ASH2L: variants seen among roughly 807,000 people sequenced by gnomAD.
ASH2L encodes the protein ASH2 like, histone lysine methyltransferase complex subunit.
ASH2L carries 30 observed loss-of-function variants against 81.1 expected under a neutral mutation model. That is an observed-to-expected ratio of 0.37 (90% CI 0.28 to 0.50). The LOEUF is 0.50. ASH2L is among the 20% of genes least tolerant of loss of function. The probability of loss-of-function intolerance (pLI) is 0.95; values close to 1 mark genes in which losing one functional copy is unlikely to be tolerated. For missense variants in ASH2L, 559 were observed against 792.1 expected (o/e 0.71, Z 3.53); for synonymous variants, 273 against 279.9 (o/e 0.98, Z 0.24).
In ASH2L at chr8:38,139,205, G is replaced by T; in HGVS notation, c.*134G>T. On this transcript the variant is annotated 3_prime_UTR_variant, in exon 16 of 16. Coordinates refer to ENST00000343823, the MANE Select transcript of ASH2L (RefSeq NM_004674.5). ...CTCCTTTTAGCAAGTTAAAAGGCTG[G>T]GTAGGACTGCGGGAGACTGCCTGCC... 1 of 707,616 alleles carries T rather than the reference G, an allele frequency of 1.4e-6. No individual in the cohort carries two copies. The highest frequency in any genetic ancestry group is 2.3e-6 in the Non-Finnish European group (1 of 436,918). The allele number at this position is 707,616 out of a possible 1,614,324, so 43.8% of individuals were successfully genotyped here.
At chr8:38,120,812 A>G (rs1403331809) in intron 9 of ASH2L, 120 bp from the exon 10 acceptor site, 1 of 758,882 alleles carries the variant, frequency 1.3e-6, no homozygotes, top group Non-Finnish European at 2.2e-6. Flanking sequence ...AATGAGAAGT[A>G]TTTGCTGTGA....
At chr8:38,117,568 A>G (rs1810958439) in intron 8 of ASH2L, 1 of 670,290 alleles carries the variant, frequency 1.5e-6, no homozygotes, top group Non-Finnish European at 1.8e-6. Context: ...TAAAAACTAC[A>G]TAATTTGAAG....
At chr8:38,128,144 A>T in intron 10 of ASH2L, 147 bp from the exon 11 acceptor site, 1 of 942,508 alleles carries the variant, frequency 1.1e-6, no homozygotes, top group Non-Finnish European at 1.6e-6. Context: ...TTATGCTGAG[A>T]TTTTTAAACT....
At chr8:38,119,402 G>A (rs1275420097) in intron 9 of ASH2L, 39 bp downstream of exon 9, 1 of 1,442,944 alleles carries the variant, frequency 6.9e-7, no homozygotes, top group Non-Finnish European at 9.3e-7. Context: ...CACTATTTAA[G>A]TATTATTTGG....
At chr8:38,114,689 G>A in intron 6 of ASH2L, 1 of 517,838 alleles carries the variant, frequency 1.9e-6, no homozygotes, top group Non-Finnish European at 3.5e-6. Flanking sequence ...TGAAATAGAA[G>A]GATAGGTGAG....
chr8:38,107,954 C>G (rs146962503), intron 3 of ASH2L, among the ~76,000 whole-genome samples: 3 of 146,762 alleles, frequency 2.0e-5, no homozygotes, highest in South Asian at 4.3e-4. Flanking sequence ...TTTTTTCTTG[C>G]GACTGGGTCT....
intron 14 of ASH2L, among the ~76,000 whole-genome samples, chr8:38,136,915 G>C (rs994831059): frequency 3.3e-5 from 5 of 151,088 alleles, no homozygotes; most frequent in Non-Finnish European, 7.4e-5. Flanking sequence ...AATGTGGTGA[G>C]ACCTCGTTGC....
chr8:38,123,082 C>CTTTTTTT (rs59410420), intron 10 of ASH2L, among the ~76,000 whole-genome samples: 82 of 100,806 alleles, frequency 8.1e-4, no homozygotes, highest in Non-Finnish European at 1.2e-3. Context: ...TTCAGAATTT[C>CTTTTTTT]TTTTTTTTTT....
chr8:38,122,079 T>G (rs2130527163), intron 10 of ASH2L, among the ~76,000 whole-genome samples: 1 of 152,336 alleles, frequency 6.6e-6, no homozygotes, highest in East Asian at 1.9e-4. Flanking sequence ...GTTAATTGAT[T>G]ATTTATATCA....
rs1407449226 is a variant in ASH2L, at chr8:38,139,941, C to G, written c.*870C>G. 1 of 152,202 alleles carries G rather than the reference C, an allele frequency of 6.6e-6. No homozygotes were observed. The highest frequency in any genetic ancestry group is 1.5e-5 in the Non-Finnish European group (1 of 68,080). The allele number at this position is 152,202 out of a possible 1,614,324, so 9.4% of individuals were successfully genotyped here. On this transcript the variant is annotated 3_prime_UTR_variant, in exon 16 of 16. Transcript: ENST00000343823. ...GGCTAATGATCTCCCTCCCGGTCTT[C>G]CCTTGGAACATGGATGTTGATATAT...
At chr8:38,115,297 T>G (rs1334021485) in intron 7 of ASH2L, among the ~76,000 whole-genome samples, 1 of 152,224 alleles carries the variant, frequency 6.6e-6, no homozygotes, top group Non-Finnish European at 1.5e-5. Flanking sequence ...TATTTCAAAT[T>G]ACTTCTAATC....
intron 13 of ASH2L, among the ~76,000 whole-genome samples, 195 bp from the exon 14 acceptor site, chr8:38,135,473 G>C (rs992608241): frequency 2.0e-5 from 3 of 152,010 alleles, no homozygotes; most frequent in African/African-American, 7.2e-5. Flanking sequence ...AGCCTGAATA[G>C]TGCATATTAA....
intron 1 of ASH2L, 111 bp from the exon 2 acceptor site, chr8:38,106,267 A>C: frequency 1.4e-6 from 2 of 1,386,040 alleles, no homozygotes; most frequent in Non-Finnish European, 2.0e-6. Flanking sequence ...GCTTAGCTGA[A>C]AAAGCTGCAG....
intron 10 of ASH2L, chr8:38,123,959 G>A (rs893203612): frequency 6.6e-6 from 1 of 151,988 alleles, no homozygotes; most frequent in Non-Finnish European, 1.5e-5. Flanking sequence ...TCATGCTGAA[G>A]CCTCCCGAAT....
chr8:38,120,151 G>A (rs771002680), intron 9 of ASH2L, among the ~76,000 whole-genome samples: 1 of 152,178 alleles, frequency 6.6e-6, no homozygotes, highest in Non-Finnish European at 1.5e-5. Flanking sequence ...CCAAGTTTAA[G>A]TGTCATGTTT....
At chr8:38,113,212 C>T (rs1224042625) in intron 5 of ASH2L, among the ~76,000 whole-genome samples, 1 of 152,012 alleles carries the variant, frequency 6.6e-6, no homozygotes, top group African/African-American at 2.4e-5. Flanking sequence ...TCAAGTGATC[C>T]ACCCACCTCA....
intron 10 of ASH2L, among the ~76,000 whole-genome samples, chr8:38,123,876 G>T (rs918855052): frequency 3.9e-5 from 6 of 151,950 alleles, no homozygotes; most frequent in Middle Eastern, 6.8e-3. Context: ...GGTTTGATTT[G>T]TTTTTTGAGG....
chr8:38,124,452 C>T (rs560556566), intron 10 of ASH2L: 12 of 152,378 alleles, frequency 7.9e-5, no homozygotes, highest in African/African-American at 2.6e-4. Context: ...CTCAGGTGAT[C>T]CTACTTCCTT....
rs527248507 is a variant in ASH2L, at chr8:38,107,748, C to T, written c.401+582C>T. 2.6e-5 allele frequency among the ~76,000 whole-genome samples: 4 copies of T among 152,118 alleles called. No individual in the cohort carries two copies. The South Asian group carries it at 8.3e-4, about 32-fold the overall frequency. ...TGTTGGAATAATTGTACTGCTCGCT[C>T]TCTGTAATGTTCTTTATGGTTTGTA... is the stretch of plus-strand genomic sequence containing the variant. On this transcript the variant is annotated intron_variant, in intron 3 of 15. Transcript: ENST00000343823.
Sources: allele counts gnomAD v4.1 joint callset (sites outside exome capture counted in the v4.1 genomes callset), GRCh38; gene constraint gnomAD v4.1.1; transcripts MANE v1.5; gene names NCBI Gene and HGNC (gene_info 2026-07-23, HGNC 2026-07-21).